The following SPATA13 variants were observed in gnomAD, a reference collection of about 807,000 sequenced individuals.
The protein encoded by SPATA13 is spermatogenesis-associated protein 13.
Under a neutral mutation model 104.0 loss-of-function variants are expected in SPATA13, and 50 were observed. The ratio of observed to expected loss-of-function variants is 0.48; its 90% confidence interval spans 0.38 to 0.61. SPATA13 has a LOEUF of 0.61. SPATA13 is among the 20% of genes least tolerant of loss of function. The pLI is 0.00. For synonymous variants in SPATA13, 606 were observed against 667.5 expected (o/e 0.91, Z 1.42); for missense variants, 1,524 against 1,690.6 (o/e 0.90, Z 1.73).
chr13:24,275,740 C>G (rs1165289297), intron 4 of SPATA13, among the ~76,000 whole-genome samples: 2 of 152,200 alleles, frequency 1.3e-5, no homozygotes, highest in African/African-American at 4.8e-5. Flanking sequence ...TTGAGACCAG[C>G]CTGGCCAACA....
At chr13:24,093,214 C>T (rs1477178279) in intron 3 of SPATA13, among the ~76,000 whole-genome samples, 4 of 152,146 alleles carry the variant, frequency 2.6e-5, no homozygotes, top group African/African-American at 9.7e-5. Context: ...TCTCTTTGTG[C>T]CTGGTTTCAA....
At chr13:24,186,728 G>A (rs1275246811) in intron 1 of SPATA13, among the ~76,000 whole-genome samples, 1 of 152,162 alleles carries the variant, frequency 6.6e-6, no homozygotes, top group Non-Finnish European at 1.5e-5. Context: ...GTTTGAGAGG[G>A]AAGTGCTCCA....
At chr13:24,258,492 C>G (rs2138675214) in intron 4 of SPATA13, among the ~76,000 whole-genome samples, 1 of 151,550 alleles carries the variant, frequency 6.6e-6, no homozygotes, top group Non-Finnish European at 1.5e-5. Flanking sequence ...CATGGCAAAA[C>G]CCCATCTCTA....
At chr13:24,130,602 C>T (rs1282834405) in intron 3 of SPATA13, among the ~76,000 whole-genome samples, 1 of 152,118 alleles carries the variant, frequency 6.6e-6, no homozygotes, top group Admixed American at 6.5e-5. Flanking sequence ...TAAAGGTGGC[C>T]AGCTTTATGG....
At chr13:24,032,985 G>A (rs1172407602) in intron 3 of SPATA13, among the ~76,000 whole-genome samples, 2 of 152,218 alleles carry the variant, frequency 1.3e-5, no homozygotes, top group Non-Finnish European at 2.9e-5. Context: ...GATTGGAAAG[G>A]TTTGTGTAAT....
chr13:24,188,139 G>C (rs758520839), intron 1 of SPATA13, among the ~76,000 whole-genome samples: 2 of 151,906 alleles, frequency 1.3e-5, no homozygotes, highest in Non-Finnish European at 2.9e-5. Flanking sequence ...TCAGGAGTTC[G>C]AGACCAGCCT....
intron 3 of SPATA13, chr13:24,123,190 G>T (rs1881097212): frequency 7.4e-7 from 1 of 1,359,986 alleles, no homozygotes; most frequent in Admixed American, 1.7e-5. Flanking sequence ...CTGATGAATG[G>T]TGTGATATAT....
chr13:24,150,806 C>G (rs1882078497), intron 3 of SPATA13, among the ~76,000 whole-genome samples: 1 of 152,090 alleles, frequency 6.6e-6, no homozygotes, highest in South Asian at 2.1e-4. Context: ...CAAGGCCCAC[C>G]CACATGGCAG....
Position 24,088,280 on chromosome 13 carries a change from A to G in SPATA13, c.-112+70579A>G, listed in dbSNP as rs1879799313. ...TTGCATTCTACAGATGAGCACACCG[A>G]GGCTCAGAGCGGTAAGGAATTGGCC... On this transcript the variant is annotated intron_variant, in intron 3 of 14. Transcript: ENST00000424834. This position sits in a 1 kb window ranked among gnomAD's most constrained non-coding sequence, Gnocchi z 4.3. 6.6e-6 allele frequency among the ~76,000 whole-genome samples: 1 copy of G among 152,156 alleles called. No individual in the cohort carries two copies. The highest frequency in any genetic ancestry group is 1.5e-5 in the Non-Finnish European group (1 of 68,028).
intron 3 of SPATA13, among the ~76,000 whole-genome samples, chr13:24,139,003 A>G (rs1881666899): frequency 6.6e-6 from 1 of 152,228 alleles, no homozygotes; most frequent in Non-Finnish European, 1.5e-5. Context: ...ATAAAGCAAC[A>G]TAAATGAATG....
intron 3 of SPATA13, among the ~76,000 whole-genome samples, chr13:24,095,686 T>G (rs1880052848): frequency 6.6e-6 from 1 of 152,198 alleles, no homozygotes; most frequent in South Asian, 2.1e-4. Context: ...TCTATGTGGA[T>G]GCAAAACTCA....
At position 24,249,678 on chromosome 13, in the gene SPATA13, GA is replaced by G; in HGVS notation, c.1856del (p.Asp619AlafsTer8). On this transcript the variant is annotated frameshift_variant, in exon 3 of 13. Transcript: ENST00000382108. LOFTEE classifies it high-confidence loss of function. ...AGACCCCCAGAAGGAAGACCGTGTG[GA>G]CGAGGACCCCCAGGCAAGCATGACT... ...AADPQKEDRV[D>X]EDPQASMTSA... The G allele has an allele frequency of 6.2e-7, 1 of 1,614,240 alleles. No individual in the cohort carries two copies. Among genetic ancestry groups the G allele is most frequent in the Non-Finnish European group, 8.5e-7 (1 of 1,180,038 alleles).
In SPATA13 at chr13:24,305,099, T is replaced by C. The variant is rs1877490901; in HGVS notation, c.*2326T>C. ...AGTAAAGAGAATCATTTGCTTGTGT[T>C]ACATTTTCAGTGAGGATTCAGTTTA... On this transcript the variant is annotated 3_prime_UTR_variant, in exon 13 of 13. Transcript: ENST00000382108. The C allele has an allele frequency of 6.6e-6, 1 of 152,196 alleles. No individual in the cohort carries two copies. 9.4% of individuals were successfully genotyped at this position (152,196 alleles called of 1,614,324 possible). A position where few individuals can be genotyped will look rare whatever the true frequency, so the allele number is the denominator to read the frequency against.
At chr13:24,193,034 G>A (rs987359614) in intron 1 of SPATA13, among the ~76,000 whole-genome samples, 11 of 152,328 alleles carry the variant, frequency 7.2e-5, no homozygotes, top group African/African-American at 2.6e-4. Context: ...AGGTGTGTGG[G>A]CTGAGAGCCC....
chr13:24,261,291 G>A (rs1566178214), intron 4 of SPATA13, among the ~76,000 whole-genome samples: 1 of 152,216 alleles, frequency 6.6e-6, no homozygotes, highest in Non-Finnish European at 1.5e-5. Context: ...CATCCGTGCT[G>A]CCTCTGATGC....
At chr13:24,014,237 C>G (rs1876608789) in intron 2 of SPATA13, among the ~76,000 whole-genome samples, 2 of 152,144 alleles carry the variant, frequency 1.3e-5, no homozygotes, top group African/African-American at 4.8e-5. Context: ...TGTCTGTGTC[C>G]AGAGTCTCCC....
At chr13:24,083,761 G>A (rs1311897983) in intron 3 of SPATA13, among the ~76,000 whole-genome samples, 2 of 152,258 alleles carry the variant, frequency 1.3e-5, no homozygotes, top group Non-Finnish European at 2.9e-5. Flanking sequence ...AACACACTGC[G>A]CTCAGCCACA....
chr13:23,988,001 T>C (rs1367434938), intron 2 of SPATA13, among the ~76,000 whole-genome samples: 1 of 151,814 alleles, frequency 6.6e-6, no homozygotes, highest in Non-Finnish European at 1.5e-5. Context: ...TGGAGTGCAG[T>C]GGCACTGTCA....
At chr13:24,165,650 C>T (rs7333320) in intron 1 of SPATA13, among the ~76,000 whole-genome samples, 92,512 of 151,754 alleles carry the variant, frequency 0.61, 29,293 homozygotes, top group East Asian at 0.74. Flanking sequence ...GGGACAGATG[C>T]ACGGGGAGGG....
Sources: gnomAD v4.1 joint callset for allele counts (sites outside exome capture counted in the v4.1 genomes callset) on GRCh38, gnomAD v4.1.1 for gene constraint, Gnocchi (gnomAD v3.1) non-coding constraint, MANE v1.5 for transcripts, NCBI Gene and HGNC (gene_info 2026-07-23, HGNC 2026-07-21) for gene names.